The following UQCRH variants were observed in gnomAD, a reference collection of about 807,000 sequenced individuals.
UQCRH encodes the protein cytochrome b-c1 complex subunit 6, mitochondrial.
Under a neutral mutation model 16.3 loss-of-function variants are expected in UQCRH, and 14 were observed. That is an observed-to-expected ratio of 0.86 (90% confidence interval 0.57 to 1.34). The LOEUF (loss-of-function observed/expected upper bound fraction) is 1.34. Among genes scored for constraint, UQCRH ranks in the 40% most tolerant of loss-of-function variants. The pLI is 0.00. For synonymous variants in UQCRH, 41 were observed against 41.9 expected, an observed-to-expected ratio of 0.98 and a Z score of 0.08; for missense variants, 89 against 111.9, an observed-to-expected ratio of 0.80 and a Z score of 0.92.
At position 46,315,710 on chromosome 1, in the gene UQCRH, C is replaced by A. The variant is rs80196317; in HGVS notation, c.244-842C>A. The stretch of plus-strand genomic sequence containing the variant: ...AAATAAGTACTGAACATGCTACAAC[C>A]TGGATAAACCTTGCAAACATGCTAA... On this transcript the variant is annotated intron_variant, in intron 3 of 3. Coordinates refer to ENST00000311672, the MANE Select transcript of UQCRH (RefSeq NM_006004.4). 1.0e-3 allele frequency among the ~76,000 whole-genome samples: 159 copies of A among 151,982 alleles called. 2 individuals carry two copies. The South Asian group carries it at 0.017, about 16-fold the overall frequency.
intron 3 of UQCRH, among the ~76,000 whole-genome samples, 197 bp from the exon 4 acceptor site, chr1:46,316,355 A>G (rs545666710): frequency 1.4e-4 from 22 of 152,332 alleles, no homozygotes; most frequent in African/African-American, 5.1e-4. Context: ...AGGAAATGAC[A>G]GTTATCAGAT....
chr1:46,312,323 T>C (rs1661496759), intron 3 of UQCRH, among the ~76,000 whole-genome samples: 1 of 151,712 alleles, frequency 6.6e-6, no homozygotes, highest in Non-Finnish European at 1.5e-5. Flanking sequence ...CAGGCTGGTC[T>C]TGAACTCCTG....
intron 1 of UQCRH, among the ~76,000 whole-genome samples, chr1:46,306,148 TC>T (rs758351035): frequency 3.9e-4 from 60 of 152,252 alleles, no homozygotes; most frequent in Non-Finnish European, 8.2e-4. Context: ...TCTTGGTTTT[TC>T]TCAGTGACTG....
intron 3 of UQCRH, among the ~76,000 whole-genome samples, chr1:46,315,316 T>C (rs1364777209): frequency 5.3e-5 from 8 of 152,064 alleles, no homozygotes; most frequent in Non-Finnish European, 5.9e-5. Flanking sequence ...TGGTGGCACA[T>C]GCCTATAATC....
At chr1:46,304,181 G>A (rs945160562) in intron 1 of UQCRH, among the ~76,000 whole-genome samples, 1 of 152,116 alleles carries the variant, frequency 6.6e-6, no homozygotes, top group African/African-American at 2.4e-5. Flanking sequence ...CCCAGCTCAG[G>A]TTAGGAATCC....
chr1:46,315,239 G>C (rs535525137), intron 3 of UQCRH, among the ~76,000 whole-genome samples: 1 of 152,212 alleles, frequency 6.6e-6, no homozygotes, highest in African/African-American at 2.4e-5. Flanking sequence ...GAGGTCGGGA[G>C]TTCGAGACCA....
rs1661303201 is a variant in UQCRH at position 46,303,781 on chromosome 1, C to T, written c.15C>T (p.Asp5=). The stretch of plus-strand genomic sequence containing the variant: ...CGTAGCCAGACATGGGACTGGAGGA[C>T]GAGCAAAAGATGCTTACCGAATCCG... The part of the protein sequence containing the change: MGLE[D]EQKMLTESGD... The change falls in exon 1 of 4, where the codon GAC becomes GAT. Residue 5 remains aspartate (D), a synonymous_variant. Transcript: ENST00000311672. 4 of 1,614,128 alleles carry T rather than the reference C, an allele frequency of 2.5e-6. No homozygotes were observed. The highest frequency in any genetic ancestry group is 3.4e-6 in the Non-Finnish European group (4 of 1,180,016).
At chr1:46,306,697 C>T (rs1297728320) in intron 1 of UQCRH, among the ~76,000 whole-genome samples, 2 of 152,110 alleles carry the variant, frequency 1.3e-5, no homozygotes, top group African/African-American at 2.4e-5. Context: ...AAAAGAGCAG[C>T]ATTAAGAAAC....
chr1:46,313,022 G>C (rs1442184514), intron 3 of UQCRH, among the ~76,000 whole-genome samples: 1 of 152,088 alleles, frequency 6.6e-6, no homozygotes, highest in East Asian at 1.9e-4. Flanking sequence ...CAGCCACTGT[G>C]GAAAACATCT....
At chr1:46,315,296 T>C (rs955314574) in intron 3 of UQCRH, among the ~76,000 whole-genome samples, 1 of 152,038 alleles carries the variant, frequency 6.6e-6, no homozygotes, top group Non-Finnish European at 1.5e-5. Flanking sequence ...AATACAAAAT[T>C]AGCCGGGCGT....
At chr1:46,312,412 G>C (rs1661499074) in intron 3 of UQCRH, among the ~76,000 whole-genome samples, 1 of 151,852 alleles carries the variant, frequency 6.6e-6, no homozygotes, top group African/African-American at 2.4e-5. Flanking sequence ...GCCCATACCT[G>C]GGTAATTTTT....
chr1:46,313,089 G>A (rs906104047), intron 3 of UQCRH, among the ~76,000 whole-genome samples: 2 of 152,124 alleles, frequency 1.3e-5, no homozygotes, highest in Admixed American at 6.6e-5. Flanking sequence ...AATTACACTC[G>A]AAGATATATA....
At chr1:46,309,570 TGAG>T (rs1661430002) in intron 2 of UQCRH, 2 of 183,060 alleles carry the variant, frequency 1.1e-5, no homozygotes, top group Non-Finnish European at 2.3e-5. Context: ...CTCGAGAGGC[TGAG>T]GCAGGAGAAT....
At chr1:46,310,374 G>T (rs1310337737) in intron 3 of UQCRH, 58 bp downstream of exon 3, 2 of 1,606,904 alleles carry the variant, frequency 1.2e-6, no homozygotes, top group African/African-American at 2.7e-5. Context: ...AAGACTTGGT[G>T]CCAACAATCT....
chr1:46,308,295 T>C (rs1472317821), intron 1 of UQCRH, among the ~76,000 whole-genome samples: 1 of 152,048 alleles, frequency 6.6e-6, no homozygotes, highest in Non-Finnish European at 1.5e-5. Context: ...AATGCAGAGC[T>C]ATATGGGGAA....
At chr1:46,307,276 C>T (rs187526058) in intron 1 of UQCRH, among the ~76,000 whole-genome samples, 23 of 152,202 alleles carry the variant, frequency 1.5e-4, no homozygotes, top group Admixed American at 1.2e-3. Context: ...AACTCCTGAC[C>T]TCAGGTGATC....
chr1:46,310,959 C>A (rs1375501356), intron 3 of UQCRH, among the ~76,000 whole-genome samples: 1 of 150,602 alleles, frequency 6.6e-6, no homozygotes, highest in South Asian at 2.1e-4. Context: ...CCCAGCTACT[C>A]GGGAGGCTGA....
intron 3 of UQCRH, among the ~76,000 whole-genome samples, chr1:46,313,174 C>A (rs1661511529): frequency 6.6e-6 from 1 of 152,048 alleles, no homozygotes; most frequent in Non-Finnish European, 1.5e-5. Context: ...TTTATACTAC[C>A]CAAAAAGTGG....
intron 1 of UQCRH, among the ~76,000 whole-genome samples, chr1:46,304,711 C>T (rs188797036): frequency 2.0e-5 from 3 of 152,128 alleles, no homozygotes; most frequent in Admixed American, 2.0e-4. Flanking sequence ...ACACACTATT[C>T]CTATGAAGTA....
Sources: allele counts gnomAD v4.1 joint callset (sites outside exome capture counted in the v4.1 genomes callset), GRCh38; gene constraint gnomAD v4.1.1; transcripts MANE v1.5; gene names NCBI Gene and HGNC (gene_info 2026-07-23, HGNC 2026-07-21).